GRIK4: variants seen among roughly 807,000 people sequenced by gnomAD.
GRIK4 encodes the protein glutamate ionotropic receptor kainate type subunit 4.
Under a neutral mutation model 104.9 loss-of-function variants are expected in GRIK4, and 40 were observed. That is an observed-to-expected ratio of 0.38 (90% CI 0.30 to 0.50). The LOEUF is 0.50. GRIK4 is among the 20% of genes least tolerant of loss of function. GRIK4 has a pLI of 0.93. For missense variants in GRIK4, 1,047 were observed against 1,308.1 expected (o/e 0.80, Z 3.08); for synonymous variants, 485 against 524.9 (o/e 0.92, Z 1.04).
intron 8 of GRIK4, chr11:120,859,301 G>A (rs943808562): frequency 3.9e-5 from 6 of 151,980 alleles, no homozygotes; most frequent in African/African-American, 1.5e-4. Flanking sequence ...TAACCTATAA[G>A]GTTGCTAATA....
intron 13 of GRIK4, among the ~76,000 whole-genome samples, chr11:120,909,902 T>A (rs575963699): frequency 1.3e-5 from 2 of 152,324 alleles, no homozygotes; most frequent in South Asian, 4.1e-4. Flanking sequence ...CCTCCAAAGT[T>A]CACATGTTGG....
intron 3 of GRIK4, among the ~76,000 whole-genome samples, chr11:120,756,492 G>T (rs998902125): frequency 6.6e-6 from 1 of 152,220 alleles, no homozygotes; most frequent in Admixed American, 6.5e-5. Flanking sequence ...TCTCTTGTTT[G>T]TGGTTGTTCT....
At chr11:120,685,379 A>C (rs537922188) in intron 3 of GRIK4, among the ~76,000 whole-genome samples, 110 of 152,344 alleles carry the variant, frequency 7.2e-4, no homozygotes, top group African/African-American at 2.6e-3. Context: ...TTTGAGAAAC[A>C]TGGGTCTAAC....
At chr11:120,739,289 A>G (rs1951284720) in intron 3 of GRIK4, among the ~76,000 whole-genome samples, 1 of 152,206 alleles carries the variant, frequency 6.6e-6, no homozygotes, top group Non-Finnish European at 1.5e-5. Flanking sequence ...CTATGCTTAA[A>G]ATGCTTAGAG....
At chr11:120,803,121 T>C (rs1037301233) in intron 4 of GRIK4, among the ~76,000 whole-genome samples, 1 of 152,246 alleles carries the variant, frequency 6.6e-6, no homozygotes, top group African/African-American at 2.4e-5. Flanking sequence ...CTTCATATAT[T>C]GATTCATTCA....
intron 3 of GRIK4, among the ~76,000 whole-genome samples, chr11:120,781,314 C>T (rs886904965): frequency 1.3e-5 from 2 of 152,002 alleles, no homozygotes; most frequent in South Asian, 4.2e-4. Flanking sequence ...AAATTGTGGG[C>T]ATGGGGTCTG....
Position 120,986,252 on chromosome 11 carries a change from C to T in GRIK4, c.2863C>T (p.Pro955Ser). The T allele has an allele frequency of 6.4e-7, 1 of 1,563,106 alleles. No individual in the cohort carries two copies. The highest frequency in any genetic ancestry group is 8.6e-7 in the Non-Finnish European group (1 of 1,164,394). ...EWEKTTNSSE[P>S]E ...GGAGAAAACCACCAACAGCAGCGAG[C>T]CCGAGTAGTCCCGGAGGCCACAGGA... The change falls in exon 21 of 21, where the codon CCC (proline) becomes TCC (serine). Residue 955 changes from proline to serine, a missense_variant. By Grantham distance (74) the Pro-to-Ser change is moderately conservative (BLOSUM62 -1). This residue lies in a region of GRIK4 where 160 missense variants were observed against 140.9 expected (regional missense o/e 1.14). Transcript: ENST00000527524.
At chr11:120,539,978 G>A (rs1433397050) in intron 1 of GRIK4, among the ~76,000 whole-genome samples, 3 of 152,174 alleles carry the variant, frequency 2.0e-5, no homozygotes, top group Non-Finnish European at 4.4e-5. Context: ...GACAGGCAGC[G>A]AATCGTGGGA....
intron 3 of GRIK4, among the ~76,000 whole-genome samples, chr11:120,670,589 C>T (rs1199351338): frequency 2.0e-5 from 3 of 152,258 alleles, no homozygotes; most frequent in Non-Finnish European, 4.4e-5. Context: ...ACACTTTTCA[C>T]CTGGATATCT....
intron 3 of GRIK4, among the ~76,000 whole-genome samples, chr11:120,742,528 T>TA (rs201198529): frequency 0.011 from 1,675 of 150,188 alleles, 11 homozygotes; most frequent in Non-Finnish European, 0.015. Context: ...TTATTATTAT[T>TA]TTTTTTTGAG....
At chr11:120,753,209 G>T (rs1466579512) in intron 3 of GRIK4, among the ~76,000 whole-genome samples, 2 of 152,190 alleles carry the variant, frequency 1.3e-5, no homozygotes, top group Non-Finnish European at 2.9e-5. Context: ...GGAAGAATTT[G>T]GTGCGGAGCC....
chr11:120,622,076 T>C (rs1420370502), intron 1 of GRIK4, among the ~76,000 whole-genome samples: 2 of 152,136 alleles, frequency 1.3e-5, no homozygotes, highest in African/African-American at 4.8e-5. Flanking sequence ...AATTTTTGTA[T>C]TTTTAGTAGA....
At chr11:120,837,267 C>T (rs1953597759) in intron 8 of GRIK4, among the ~76,000 whole-genome samples, 1 of 152,206 alleles carries the variant, frequency 6.6e-6, no homozygotes. Flanking sequence ...CTGTCGGTGT[C>T]TATGAACAGT....
At chr11:120,620,681 T>C (rs1240963418) in intron 1 of GRIK4, among the ~76,000 whole-genome samples, 1 of 152,150 alleles carries the variant, frequency 6.6e-6, no homozygotes, top group Non-Finnish European at 1.5e-5. Flanking sequence ...GGAAAAGTTC[T>C]GGTTTAATTT....
At chr11:120,822,232 A>AAAAAAAAAAAAAAAG (rs796180829) in intron 6 of GRIK4, among the ~76,000 whole-genome samples, 1 of 147,078 alleles carries the variant, frequency 6.8e-6, no homozygotes, top group African/African-American at 2.7e-5. Flanking sequence ...AAAAAAAAAA[A>AAAAAAAAAAAAAAAG]AAAGACAGTA....
intron 1 of GRIK4, among the ~76,000 whole-genome samples, chr11:120,529,164 C>G (rs1432581632): frequency 6.6e-6 from 1 of 152,102 alleles, no homozygotes; most frequent in Non-Finnish European, 1.5e-5. Context: ...CAGCCCCAAC[C>G]CTCGTTCCCT....
chr11:120,964,929 G>T (rs1354631476), intron 18 of GRIK4, among the ~76,000 whole-genome samples: 1 of 152,140 alleles, frequency 6.6e-6, no homozygotes, highest in Non-Finnish European at 1.5e-5. Context: ...AGACCATATT[G>T]CCAATGGGTC....
intron 1 of GRIK4, among the ~76,000 whole-genome samples, chr11:120,543,003 T>TG (rs1262603003): frequency 6.6e-6 from 1 of 152,170 alleles, no homozygotes; most frequent in Non-Finnish European, 1.5e-5. Flanking sequence ...AATTTGTGAA[T>TG]GGGGAAACTG....
chr11:120,627,346 C>T (rs1949274177), intron 1 of GRIK4, among the ~76,000 whole-genome samples: 1 of 152,224 alleles, frequency 6.6e-6, no homozygotes, highest in African/African-American at 2.4e-5. Flanking sequence ...CAGCGCAGTG[C>T]AAGGAGAGCA....
Sources: allele counts gnomAD v4.1 joint callset (sites outside exome capture counted in the v4.1 genomes callset), GRCh38; gene constraint gnomAD v4.1.1; regional missense constraint gnomAD v4.1.1; transcripts MANE v1.5; gene names NCBI Gene and HGNC (gene_info 2026-07-23, HGNC 2026-07-21).